Variants in WDPCP observed in about 807,000 individuals in gnomAD.
WDPCP encodes the protein WD repeat-containing and planar cell polarity effector protein fritz homolog.
WDPCP carries 71 observed loss-of-function variants against 93.1 expected under a neutral mutation model. The ratio of observed to expected loss-of-function variants is 0.76; its 90% CI spans 0.63 to 0.93. WDPCP has a LOEUF of 0.93. Ranked by LOEUF, WDPCP falls within the 40% of genes least tolerant of loss-of-function variation. The pLI, the probability that WDPCP is intolerant of heterozygous loss-of-function variation, is 0.00. For synonymous variants in WDPCP, 315 were observed against 315.0 expected (o/e 1.00, Z 0.00); for missense variants, 844 against 887.4 (o/e 0.95, Z 0.62).
chr2:63,458,412 GATCAGCATACATGTAAAA>G (rs1698785631), intron 6 of WDPCP, among the ~76,000 whole-genome samples: 1 of 152,068 alleles, frequency 6.6e-6, no homozygotes, highest in African/African-American at 2.4e-5. Context: ...GTAGTACACT[GATCAGCATACATGTAAAA>G]ATCAGTATAC....
At chr2:63,541,062 C>T (rs1051512194) in intron 1 of WDPCP, among the ~76,000 whole-genome samples, 4 of 152,132 alleles carry the variant, frequency 2.6e-5, no homozygotes. Flanking sequence ...GAAACCTTGC[C>T]TCCCAGGTTC....
intron 2 of WDPCP, among the ~76,000 whole-genome samples, chr2:63,719,097 G>A (rs897136596): frequency 6.6e-6 from 1 of 152,166 alleles, no homozygotes; most frequent in African/African-American, 2.4e-5. Context: ...TGTAATGAAT[G>A]TACTATTTAC....
At chr2:63,315,478 A>C (rs753689082) in intron 12 of WDPCP, among the ~76,000 whole-genome samples, 5 of 152,208 alleles carry the variant, frequency 3.3e-5, no homozygotes, top group Non-Finnish European at 5.9e-5. Context: ...ATAAATTAAA[A>C]TCAAACAAGT....
At chr2:63,389,317 A>C (rs560048521) in intron 10 of WDPCP, among the ~76,000 whole-genome samples, 3 of 152,230 alleles carry the variant, frequency 2.0e-5, no homozygotes, top group African/African-American at 7.2e-5. Flanking sequence ...TAAGTGAAAA[A>C]GAAATAAAAT....
Position 63,720,279 on chromosome 2 carries a change from T to C in WDPCP, n.309-69441A>G, listed in dbSNP as rs189517032. Reference sequence around the variant, plus strand: ...AGATACAAAAAAATTTAGCCAGGTATGGCGGTGTGCGCCTGTAGTCCCAGC... The same window carrying C: ...AGATACAAAAAAATTTAGCCAGGTACGGCGGTGTGCGCCTGTAGTCCCAGC... On this transcript the variant is annotated intron_variant and non_coding_transcript_variant, in intron 2 of 4. Transcript: ENST00000467687. 4.2e-3 allele frequency among the ~76,000 whole-genome samples: 633 copies of C among 152,002 alleles called. 7 individuals carry two copies. The highest frequency in any genetic ancestry group is 3.2e-3 in the Non-Finnish European group (214 of 67,928).
chr2:63,634,935 A>T (rs1709905834), intron 3 of WDPCP, among the ~76,000 whole-genome samples: 1 of 152,136 alleles, frequency 6.6e-6, no homozygotes, highest in Non-Finnish European at 1.5e-5. Context: ...GATCAATGGT[A>T]CTAAGAGCTG....
intron 2 of WDPCP, among the ~76,000 whole-genome samples, chr2:63,656,793 C>G (rs781267162): frequency 1.3e-5 from 2 of 152,130 alleles, no homozygotes; most frequent in African/African-American, 2.4e-5. Flanking sequence ...CAAAGGCTAT[C>G]AAGGTAGTAA....
chr2:63,831,957 T>C (rs1310140252), upstream of WDPCP, among the ~76,000 whole-genome samples: 1 of 152,244 alleles, frequency 6.6e-6, no homozygotes, highest in Non-Finnish European at 1.5e-5. Flanking sequence ...AGAGCAGTTC[T>C]GGGACTAAGC....
chr2:63,662,639 C>CAGAGAGAGAG (rs3077036), intron 2 of WDPCP, among the ~76,000 whole-genome samples: 76 of 147,202 alleles, frequency 5.2e-4, no homozygotes, highest in African/African-American at 1.3e-3. Context: ...TCATCTCTTC[C>CAGAGAGAGAG]AGAGAGAGAG....
chr2:63,491,539 A>G (rs932299397), intron 2 of WDPCP, among the ~76,000 whole-genome samples: 5 of 152,198 alleles, frequency 3.3e-5, no homozygotes, highest in African/African-American at 7.2e-5. Context: ...AAAGTGTACA[A>G]ATAGGTATGA....
intron 1 of WDPCP, among the ~76,000 whole-genome samples, chr2:63,586,069 G>T (rs1286564109): frequency 6.6e-6 from 1 of 152,080 alleles, no homozygotes; most frequent in African/African-American, 2.4e-5. Context: ...GACTCAAGCA[G>T]TCCTCCGGCC....
At chr2:63,553,910 G>C (rs565987348) in intron 1 of WDPCP, among the ~76,000 whole-genome samples, 45 of 152,236 alleles carry the variant, frequency 3.0e-4, no homozygotes, top group African/African-American at 8.7e-4. Flanking sequence ...TTAAGTTGCA[G>C]ACACAATGCT....
chr2:63,315,624 A>G (rs1390634390), intron 12 of WDPCP, among the ~76,000 whole-genome samples: 1 of 152,188 alleles, frequency 6.6e-6, no homozygotes, highest in African/African-American at 2.4e-5. Context: ...AATTCAATAT[A>G]AAATATTTAA....
chr2:63,745,160 T>TAAAGGGA (rs1381230101), intron 2 of WDPCP, among the ~76,000 whole-genome samples: 1 of 152,192 alleles, frequency 6.6e-6, no homozygotes, highest in African/African-American at 2.4e-5. Context: ...TGAGGATTTA[T>TAAAGGGA]AAAGAGTAAA....
intron 15 of WDPCP, among the ~76,000 whole-genome samples, chr2:63,156,731 C>T (rs1672281587): frequency 6.6e-6 from 1 of 152,074 alleles, no homozygotes; most frequent in Admixed American, 6.5e-5. Context: ...GAGCGAGACT[C>T]TGTCTCAAAA....
At chr2:63,662,043 T>C (rs1231126895) in intron 2 of WDPCP, among the ~76,000 whole-genome samples, 2 of 152,070 alleles carry the variant, frequency 1.3e-5, no homozygotes, top group African/African-American at 4.8e-5. Context: ...AATGATGAAA[T>C]TGGAATGGAT....
chr2:63,750,610 G>C, intron 2 of WDPCP, among the ~76,000 whole-genome samples: 1 of 152,100 alleles, frequency 6.6e-6, no homozygotes, highest in South Asian at 2.1e-4. Context: ...TTCAATGTAT[G>C]TTCATTAAGT....
At chr2:63,374,533 T>C (rs1409446043) in intron 12 of WDPCP, among the ~76,000 whole-genome samples, 1 of 152,154 alleles carries the variant, frequency 6.6e-6, no homozygotes, top group African/African-American at 2.4e-5. Context: ...ATTTACTATA[T>C]ATGCTCTATC....
intron 14 of WDPCP, among the ~76,000 whole-genome samples, chr2:63,215,470 A>G: frequency 6.6e-6 from 1 of 152,222 alleles, no homozygotes; most frequent in East Asian, 1.9e-4. Flanking sequence ...AGGATTCCCT[A>G]TTTAATAAAT....
Sources: allele counts gnomAD v4.1 joint callset (sites outside exome capture counted in the v4.1 genomes callset), GRCh38; gene constraint gnomAD v4.1.1; transcripts MANE v1.5; gene names NCBI Gene and HGNC (gene_info 2026-07-23, HGNC 2026-07-21).